RAB21: variants seen among roughly 807,000 people sequenced by gnomAD.
The protein encoded by RAB21 is RAB21, member RAS oncogene family.
RAB21 carries 13 observed loss-of-function variants against 33.1 expected under a neutral mutation model. The ratio of observed to expected loss-of-function variants is 0.39; its 90% CI spans 0.26 to 0.62. The LOEUF is 0.62. RAB21 is among the 20% of genes least tolerant of loss of function. The pLI, the probability that RAB21 is intolerant of heterozygous loss-of-function variation, is 0.48. For synonymous variants in RAB21, 91 were observed against 103.7 expected, an observed-to-expected ratio of 0.88 and a Z score of 0.74; for missense variants, 234 against 279.1, an observed-to-expected ratio of 0.84 and a Z score of 1.15.
chr12:71,772,485 C>T (rs1883058210), intron 3 of RAB21, among the ~76,000 whole-genome samples: 1 of 152,082 alleles, frequency 6.6e-6, no homozygotes, highest in South Asian at 2.1e-4. Flanking sequence ...GAATTTGTGA[C>T]CATCTCTAAC....
chr12:71,794,362 C>G lies in RAB21; in HGVS notation c.*8689C>G, dbSNP rs771365981. The G allele has an allele frequency of 8.5e-5, 12 of 142,000 alleles. No homozygotes were observed. Among genetic ancestry groups the G allele is most frequent in the Non-Finnish European group, 1.5e-4 (10 of 66,142 alleles). 8.8% of individuals were successfully genotyped at this position (142,000 alleles called of 1,614,324 possible). A position where few individuals can be genotyped will look rare whatever the true frequency, so the allele number is the denominator to read the frequency against. On this transcript the variant is annotated 3_prime_UTR_variant, in exon 7 of 7. Coordinates refer to ENST00000261263, the MANE Select transcript of RAB21 (RefSeq NM_014999.4). ...ACCAGCCTGGCCAACATGGTGAAAC[C>G]CTGTCTCTACTAAAAACAAAACAAA...
At chr12:71,763,722 T>G (rs1465364634) in intron 1 of RAB21, among the ~76,000 whole-genome samples, 2 of 152,214 alleles carry the variant, frequency 1.3e-5, no homozygotes, top group African/African-American at 4.8e-5. Context: ...GTGCCATAAC[T>G]TACATGGATC....
chr12:71,768,487 A>G (rs567543679), intron 1 of RAB21, among the ~76,000 whole-genome samples: 1 of 152,038 alleles, frequency 6.6e-6, no homozygotes, highest in Non-Finnish European at 1.5e-5. Context: ...GATTCTGGAT[A>G]TATTTTGTCT....
chr12:71,769,734 A>G lies in RAB21; in HGVS notation c.160-66A>G, dbSNP rs79407603. 33 of 756,680 alleles carry G rather than the reference A, an allele frequency of 4.4e-5. No individual in the cohort carries two copies. In the East Asian group the frequency reaches 8.2e-4, roughly 19 times the overall value. The allele number at this position is 756,680 out of a possible 1,614,324, so 46.9% of individuals were successfully genotyped here. The stretch of plus-strand genomic sequence containing the variant: ...TTACATTGAGATGATTCATTCATCT[A>G]TAGTTGTTAGGATAAAGAACCTTAT... On this transcript the variant is annotated intron_variant, in intron 1 of 6. Transcript: ENST00000261263.
At chr12:71,781,918 A>AT in intron 4 of RAB21, 113 bp from the exon 5 acceptor site, 1 of 732,992 alleles carries the variant, frequency 1.4e-6, no homozygotes, top group South Asian at 1.9e-5. Context: ...TCTGGTGGGG[A>AT]TTTGCATTAT....
In RAB21 at chr12:71,767,508, T is replaced by C. The variant is rs78700750; in HGVS notation, c.160-2292T>C. 8.8e-3 allele frequency among the ~76,000 whole-genome samples: 1,336 copies of C among 152,188 alleles called. 9 individuals are homozygous for C. Among genetic ancestry groups the C allele is most frequent in the African/African-American group, 0.024 (1,012 of 41,562 alleles). On this transcript the variant is annotated intron_variant, in intron 1 of 6. Transcript: ENST00000261263. The stretch of plus-strand genomic sequence containing the variant: ...GTTGTGGGGTTTTTTTTGTTTGTTT[T>C]GTTTTTGTTTTTGTTTTAACCAGGG...
chr12:71,793,783 C>T lies in RAB21; in HGVS notation c.*8110C>T, dbSNP rs1883421084. The T allele has an allele frequency of 6.6e-6, 1 of 152,196 alleles. No homozygotes were observed. Among genetic ancestry groups the T allele is most frequent in the Non-Finnish European group, 1.5e-5 (1 of 68,048 alleles). The allele number at this position is 152,196 out of a possible 1,614,324, so 9.4% of individuals were successfully genotyped here. A position where few individuals can be genotyped will look rare whatever the true frequency, so the allele number is the denominator to read the frequency against. ...CTTTCTTGAAGATGGTCAGAAAGGG[C>T]ATTGTTAAAGGAAGGAGATGGTAGA... On this transcript the variant is annotated 3_prime_UTR_variant, in exon 7 of 7. Coordinates refer to ENST00000261263, the MANE Select transcript of RAB21 (RefSeq NM_014999.4).
chr12:71,764,793 C>A (rs891696310), intron 1 of RAB21, among the ~76,000 whole-genome samples: 1 of 152,210 alleles, frequency 6.6e-6, no homozygotes, highest in East Asian at 1.9e-4. Flanking sequence ...TATTTCATTC[C>A]TTTTTATGGC....
At chr12:71,758,504 C>CT (rs555367340) in intron 1 of RAB21, among the ~76,000 whole-genome samples, 7,171 of 145,452 alleles carry the variant, frequency 0.049, 198 homozygotes, top group South Asian at 0.11. Context: ...AATCCTTTCA[C>CT]TTTTTTTTTT....
At chr12:71,764,795 T>G (rs552606590) in intron 1 of RAB21, among the ~76,000 whole-genome samples, 1 of 152,324 alleles carries the variant, frequency 6.6e-6, no homozygotes, top group Admixed American at 6.5e-5. Flanking sequence ...TTTCATTCCT[T>G]TTTATGGCTG....
intron 1 of RAB21, among the ~76,000 whole-genome samples, chr12:71,766,996 T>C (rs1291272836): frequency 6.6e-6 from 1 of 152,304 alleles, no homozygotes; most frequent in East Asian, 1.9e-4. Context: ...TTATGAATGA[T>C]TTTGTGAAAA....
Position 71,790,536 on chromosome 12 carries a change from C to T in RAB21, c.*4863C>T, listed in dbSNP as rs1306647222. ...GGTACTTCCTAGAAATATGAAAGTT[C>T]CTCATTTTGTATTTAATTATGTAAG... On this transcript the variant is annotated 3_prime_UTR_variant, in exon 7 of 7. Coordinates refer to ENST00000261263, the MANE Select transcript of RAB21 (RefSeq NM_014999.4). 2.0e-5 allele frequency: 3 copies of T among 151,982 alleles called. No individual in the cohort carries two copies. The highest frequency in any genetic ancestry group is 1.3e-4 in the Admixed American group (2 of 15,258). 9.4% of individuals were successfully genotyped at this position (151,982 alleles called of 1,614,324 possible). A position where few individuals can be genotyped will look rare whatever the true frequency, so the allele number is the denominator to read the frequency against.
intron 3 of RAB21, among the ~76,000 whole-genome samples, chr12:71,772,594 G>T (rs532978547): frequency 6.6e-6 from 1 of 152,224 alleles, no homozygotes; most frequent in African/African-American, 2.4e-5. Context: ...AAATTGATCA[G>T]ATTAGTAGGT....
rs1364779756 is a variant in RAB21, at chr12:71,755,186, G to C, written c.57G>C (p.Ser19=). ...GGAAAAGRAY[S]FKVVLLGEGC... ...CGGCGGCGGCGGGCCGAGCCTACTC[G>C]TTCAAGGTGGTGCTGCTGGGGGAAG... Residue 19 remains serine (S), a synonymous_variant, in exon 1 of 7, where the codon TCG becomes TCC. Transcript: ENST00000261263. 6.6e-7 allele frequency: 1 copy of C among 1,505,098 alleles called. No homozygotes were observed. Among genetic ancestry groups the C allele is most frequent in the African/African-American group, 1.4e-5 (1 of 69,222 alleles). 93.2% of individuals were successfully genotyped at this position (1,505,098 alleles called of 1,614,324 possible).
At chr12:71,759,599 A>G (rs757218875) in intron 1 of RAB21, among the ~76,000 whole-genome samples, 5 of 152,222 alleles carry the variant, frequency 3.3e-5, no homozygotes, top group Non-Finnish European at 5.9e-5. Flanking sequence ...ACTGACTGCT[A>G]TGGGCTACTA....
chr12:71,779,839 A>G lies in RAB21; in HGVS notation c.392-2192A>G, dbSNP rs79064390. 7.9e-3 allele frequency among the ~76,000 whole-genome samples: 1,197 copies of G among 152,232 alleles called. 9 individuals carry two copies. The highest frequency in any genetic ancestry group is 0.013 in the Admixed American group (203 of 15,280). On this transcript the variant is annotated intron_variant, in intron 4 of 6. Coordinates refer to ENST00000261263, the MANE Select transcript of RAB21 (RefSeq NM_014999.4). ...TTTTAAGCCTATCAGAAAGTTCCGT[A>G]TGTAGCTGCACAGTAGTATTGAAGC...
At chr12:71,785,495 G>A (rs370895915) in intron 6 of RAB21, 36 bp from the exon 7 acceptor site, 20 of 1,606,016 alleles carry the variant, frequency 1.2e-5, no homozygotes, top group Non-Finnish European at 1.6e-5. Flanking sequence ...CACAAATATT[G>A]TGGTCCTAAT....
chr12:71,788,518 CAA>C lies in RAB21; in HGVS notation c.*2847_*2848del. The C allele has an allele frequency of 6.6e-6, 1 of 152,208 alleles. No homozygotes were observed. Among genetic ancestry groups the C allele is most frequent in the East Asian group, 1.9e-4 (1 of 5,180 alleles). The allele number at this position is 152,208 out of a possible 1,614,324, so 9.4% of individuals were successfully genotyped here. The stretch of plus-strand genomic sequence containing the variant: ...CTTCAGTATATATACAAAGGAAAGA[CAA>C]AGAGATGATAAACCAAGGCTGAGGA... On this transcript the variant is annotated 3_prime_UTR_variant, in exon 7 of 7. Coordinates refer to ENST00000261263, the MANE Select transcript of RAB21 (RefSeq NM_014999.4).
At chr12:71,771,764 G>A (rs1438006152) in intron 3 of RAB21, among the ~76,000 whole-genome samples, 6 of 151,914 alleles carry the variant, frequency 3.9e-5, no homozygotes, top group East Asian at 3.9e-4. Context: ...ACTTGAGGTC[G>A]GGAGTTAGAG....
Sources: allele counts gnomAD v4.1 joint callset (sites outside exome capture counted in the v4.1 genomes callset), GRCh38; gene constraint gnomAD v4.1.1; transcripts MANE v1.5; gene names NCBI Gene and HGNC (gene_info 2026-07-23, HGNC 2026-07-21).